Variants in MOB1B observed in about 807,000 individuals in gnomAD.
MOB1B encodes MOB kinase activator 1B, also known as MOB1 Mps One Binder homolog B.
Under a neutral mutation model 24.4 loss-of-function variants are expected in MOB1B, and 19 were observed. The observed-to-expected ratio is 0.78, with a 90% CI of 0.54 to 1.14. The LOEUF (loss-of-function observed/expected upper bound fraction) is 1.14, where lower values mean the gene tolerates loss of function less well. MOB1B is among the 50% of genes most tolerant of loss of function. MOB1B has a pLI of 0.00. For missense variants in MOB1B, 243 were observed against 259.6 expected, an observed-to-expected ratio of 0.94 and a Z score of 0.44; for synonymous variants, 76 against 82.1, an observed-to-expected ratio of 0.93 and a Z score of 0.40.
chr4:70,963,314 C>T (rs945977621), intron 2 of MOB1B, among the ~76,000 whole-genome samples: 1 of 147,512 alleles, frequency 6.8e-6, no homozygotes, highest in African/African-American at 2.5e-5. Flanking sequence ...GTACCATGAT[C>T]CTACCACTGC....
chr4:70,932,323 C>A lies in MOB1B; in HGVS notation c.15-26551C>A, dbSNP rs11934920. Among the ~76,000 whole-genome samples the A allele has an allele frequency of 3.5e-3, 531 of 152,272 alleles. 3 individuals carry two copies. Among genetic ancestry groups the A allele is most frequent in the South Asian group, 5.0e-3 (24 of 4,818 alleles). On this transcript the variant is annotated intron_variant, in intron 1 of 5. Coordinates refer to ENST00000309395, the MANE Select transcript of MOB1B (RefSeq NM_173468.4). ...AGCAATTAAATAGCTTACCTGGAAT[C>A]ACGTAACTAGTACTAGACAGATCAG...
At chr4:70,938,999 A>G (rs989765137) in intron 1 of MOB1B, among the ~76,000 whole-genome samples, 3 of 152,166 alleles carry the variant, frequency 2.0e-5, no homozygotes, top group Non-Finnish European at 4.4e-5. Context: ...TGCAGTTCAA[A>G]TTTGGATTCA....
intron 2 of MOB1B, among the ~76,000 whole-genome samples, chr4:70,965,746 G>A (rs1315764287): frequency 7.7e-6 from 1 of 129,342 alleles, no homozygotes. Context: ...GCAGCGAGCC[G>A]AGATCACGCC....
At chr4:70,976,381 A>G (rs1738997338) in intron 4 of MOB1B, 2 of 985,138 alleles carry the variant, frequency 2.0e-6, no homozygotes, top group Non-Finnish European at 2.4e-6. Flanking sequence ...ATGACCCACA[A>G]TATGAATCTT....
intron 1 of MOB1B, among the ~76,000 whole-genome samples, chr4:70,934,535 C>T (rs989635818): frequency 2.6e-5 from 4 of 151,872 alleles, no homozygotes; most frequent in African/African-American, 9.7e-5. Context: ...CTCACTGCAA[C>T]CTCTGCCTTC....
chr4:70,910,963 C>G (rs1191565138), intron 1 of MOB1B, among the ~76,000 whole-genome samples: 1 of 151,970 alleles, frequency 6.6e-6, no homozygotes, highest in Non-Finnish European at 1.5e-5. Flanking sequence ...AATTTTTGTA[C>G]TTTTAGTATG....
chr4:70,934,366 A>T (rs1249043955), intron 1 of MOB1B, among the ~76,000 whole-genome samples: 1 of 151,408 alleles, frequency 6.6e-6, no homozygotes, highest in Non-Finnish European at 1.5e-5. Flanking sequence ...AATTACAGGC[A>T]TGAGCCACTG....
At chr4:70,973,177 T>C (rs1056513627) in intron 3 of MOB1B, among the ~76,000 whole-genome samples, 4 of 152,220 alleles carry the variant, frequency 2.6e-5, no homozygotes, top group Admixed American at 2.6e-4. Flanking sequence ...TGTCTGTTTC[T>C]GATTTTTACA....
intron 2 of MOB1B, among the ~76,000 whole-genome samples, chr4:70,960,015 C>G (rs1187679152): frequency 2.0e-5 from 3 of 152,042 alleles, no homozygotes; most frequent in Non-Finnish European, 2.9e-5. Flanking sequence ...TCCTGAGTAG[C>G]TGGGATTATA....
chr4:70,982,828 A>T lies in MOB1B; in HGVS notation c.*771A>T. 6.6e-6 allele frequency: 1 copy of T among 152,546 alleles called. No homozygotes were observed. The highest frequency in any genetic ancestry group is 1.9e-4 in the East Asian group (1 of 5,184). The allele number at this position is 152,546 out of a possible 1,614,324, so 9.4% of individuals were successfully genotyped here. On this transcript the variant is annotated 3_prime_UTR_variant, in exon 6 of 6. Coordinates refer to ENST00000309395, the MANE Select transcript of MOB1B (RefSeq NM_173468.4). ...AACTGCACTGTAGATGTAAAAATTC[A>T]GGTTATATATAGGATTGCCATCTTC...
chr4:70,933,884 C>T (rs1578364871), intron 1 of MOB1B, among the ~76,000 whole-genome samples: 6 of 151,888 alleles, frequency 4.0e-5, no homozygotes, highest in African/African-American at 1.4e-4. Context: ...GAAAAGGTTT[C>T]ACCCCTCTCT....
chr4:70,929,916 C>A (rs562207692), intron 1 of MOB1B, among the ~76,000 whole-genome samples: 34 of 152,158 alleles, frequency 2.2e-4, no homozygotes, highest in African/African-American at 7.7e-4. Context: ...TGCGCCCAGC[C>A]TTAATTTTTA....
chr4:70,939,790 A>G (rs192686514), intron 1 of MOB1B, among the ~76,000 whole-genome samples: 1 of 152,216 alleles, frequency 6.6e-6, no homozygotes, highest in African/African-American at 2.4e-5. Flanking sequence ...CTCTTGCCTA[A>G]CAAGGACAGA....
intron 1 of MOB1B, among the ~76,000 whole-genome samples, chr4:70,949,259 G>A (rs1270529511): frequency 6.6e-6 from 1 of 152,150 alleles, no homozygotes; most frequent in Admixed American, 6.6e-5. Context: ...GGTAACAATA[G>A]TAGCAATACC....
At chr4:70,976,745 CTG>C (rs1314203658) in intron 4 of MOB1B, 2 of 380,020 alleles carry the variant, frequency 5.3e-6, no homozygotes, top group Non-Finnish European at 6.8e-6. Flanking sequence ...TTTTTCAAGA[CTG>C]AATTACATAT....
intron 5 of MOB1B, 100 bp from the exon 6 acceptor site, chr4:70,981,880 A>G: frequency 1.2e-6 from 1 of 805,286 alleles, no homozygotes; most frequent in Non-Finnish European, 2.0e-6. Flanking sequence ...TATGTACTTC[A>G]AAAGCTAATT....
rs541028817 is a variant in MOB1B at position 70,952,642 on chromosome 4, CAAAA to C, written c.15-6218_15-6215del. ...TGGGCGACAGAGCGAGACGCCGTCT[CAAAA>C]AAAAAAAAAAAAACAAAACAAAAAC... On this transcript the variant is annotated intron_variant, in intron 1 of 5. Transcript: ENST00000309395. Among the ~76,000 whole-genome samples the C allele has an allele frequency of 5.8e-3, 316 of 54,022 alleles. 3 individuals are homozygous for C. The highest frequency in any genetic ancestry group is 0.015 in the African/African-American group (299 of 20,100). 35.4% of individuals were successfully genotyped at this position (54,022 alleles called of 152,430 possible).
chr4:70,925,966 C>A (rs978341982), intron 1 of MOB1B, among the ~76,000 whole-genome samples: 1 of 152,100 alleles, frequency 6.6e-6, no homozygotes, highest in African/African-American at 2.4e-5. Context: ...TAGGACATTG[C>A]TTAGCAAATA....
At chr4:70,911,515 G>A (rs187331628) in intron 1 of MOB1B, among the ~76,000 whole-genome samples, 1 of 152,104 alleles carries the variant, frequency 6.6e-6, no homozygotes, top group Admixed American at 6.6e-5. Flanking sequence ...AAGAACTGTA[G>A]TTTTGGGAAT....
Sources: gnomAD v4.1 joint callset for allele counts (sites outside exome capture counted in the v4.1 genomes callset) on GRCh38, gnomAD v4.1.1 for gene constraint, MANE v1.5 for transcripts, NCBI Gene and HGNC (gene_info 2026-07-23, HGNC 2026-07-21) for gene names.